Variants in SNW1 observed in about 807,000 individuals in gnomAD.
The protein encoded by SNW1 is SNW domain containing 1.
A neutral mutation model predicts 75.6 loss-of-function variants in SNW1; 9 were observed. The observed-to-expected ratio is 0.12, with a 90% confidence interval of 0.07 to 0.21. The LOEUF (loss-of-function observed/expected upper bound fraction) is 0.21. Among genes scored for constraint, SNW1 ranks in the 10% least tolerant of loss-of-function variants. The pLI is 1.00. For synonymous variants in SNW1, 200 were observed against 219.1 expected, an observed-to-expected ratio of 0.91 and a Z score of 0.77; for missense variants, 409 against 670.9, an observed-to-expected ratio of 0.61 and a Z score of 4.31.
At chr14:77,723,412 T>G in intron 10 of SNW1, 135 bp from the exon 11 acceptor site, 1 of 662,706 alleles carries the variant, frequency 1.5e-6, no homozygotes, top group South Asian at 1.8e-5. Context: ...TGTAGTAGCA[T>G]GAACATGGTT....
chr14:77,722,521 A>G (rs1487402056), intron 11 of SNW1: 1 of 454,442 alleles, frequency 2.2e-6, no homozygotes, highest in Non-Finnish European at 4.4e-6. Context: ...CACATAATCC[A>G]TTTATCTCAC....
chr14:77,720,538 T>G (rs748769110), intron 12 of SNW1, 173 bp downstream of exon 12: 4 of 749,918 alleles, frequency 5.3e-6, no homozygotes, highest in Non-Finnish European at 7.4e-6. Context: ...CAGCCCACTA[T>G]AAGAAGTTAA....
Position 77,723,281 on chromosome 14 carries a change from T to C in SNW1, c.1034-4A>G, listed in dbSNP as rs763569143. On this transcript the variant is annotated splice_polypyrimidine_tract_variant and splice_region_variant and intron_variant, in intron 10 of 13. Coordinates refer to ENST00000261531, the MANE Select transcript of SNW1 (RefSeq NM_012245.3). ...CTCTCACGTGCCTCCCCATCCTCTG[T>C]GTGAACAGTTGAAAAGTACTTCACT... is the stretch of plus-strand genomic sequence containing the variant. The C allele has an allele frequency of 6.2e-6, 10 of 1,607,644 alleles. No individual in the cohort carries two copies. Among genetic ancestry groups the C allele is most frequent in the Non-Finnish European group, 8.5e-6 (10 of 1,174,374 alleles).
intron 10 of SNW1, 75 bp from the exon 11 acceptor site, chr14:77,723,352 T>A (rs1341042014): frequency 1.4e-5 from 16 of 1,132,148 alleles, no homozygotes; most frequent in Non-Finnish European, 2.1e-5. Flanking sequence ...TGTGTATATA[T>A]ATAATTTTTT....
intron 2 of SNW1, among the ~76,000 whole-genome samples, chr14:77,752,128 T>A (rs1045428533): frequency 3.3e-5 from 5 of 152,186 alleles, no homozygotes; most frequent in African/African-American, 1.2e-4. Context: ...TATTTTAGCA[T>A]ATAAATACAT....
chr14:77,723,603 G>T (rs1426753640), intron 10 of SNW1, among the ~76,000 whole-genome samples: 1 of 152,072 alleles, frequency 6.6e-6, no homozygotes, highest in Non-Finnish European at 1.5e-5. Flanking sequence ...TCCCACCTAG[G>T]CCTCCCAAAG....
Position 77,722,834 on chromosome 14 carries a change from A to G in SNW1, c.1130+347T>C, listed in dbSNP as rs764724444. The G allele has an allele frequency of 9.6e-5, 39 of 404,464 alleles. 1 individual carries two copies. In the Middle Eastern group the frequency reaches 2.6e-3, roughly 27 times the overall value. The allele number at this position is 404,464 out of a possible 1,614,324, so 25.1% of individuals were successfully genotyped here. On this transcript the variant is annotated intron_variant, in intron 11 of 13. Coordinates refer to ENST00000261531, the MANE Select transcript of SNW1 (RefSeq NM_012245.3). ...AAAGGCCACTCTTCATGATTGGTAC[A>G]TATCTTTTTTTTTTTTTTTTTTTTT...
chr14:77,749,855 A>C (rs2080793868), intron 3 of SNW1, among the ~76,000 whole-genome samples: 1 of 152,192 alleles, frequency 6.6e-6, no homozygotes, highest in Admixed American at 6.5e-5. Context: ...ACTAGTAGGT[A>C]AGGTTCATAG....
At position 77,761,104 on chromosome 14, in the gene SNW1, A is replaced by C. The variant is rs2080888000; in HGVS notation, c.14+10T>G. ...CCCTTCCGTATCGAGGACCCCAATCAACAACCCACCTGGTGAGCGCCATCT... is the reference window on the plus strand; with the variant it reads ...CCCTTCCGTATCGAGGACCCCAATCCACAACCCACCTGGTGAGCGCCATCT... On this transcript the variant is annotated intron_variant, in intron 1 of 13. Coordinates refer to ENST00000261531, the MANE Select transcript of SNW1 (RefSeq NM_012245.3). The C allele has an allele frequency of 6.2e-7, 1 of 1,614,106 alleles. No individual in the cohort carries two copies. Among genetic ancestry groups the C allele is most frequent in the African/African-American group, 1.3e-5 (1 of 74,936 alleles).
At chr14:77,757,942 C>CTATCTATCTATG (rs1014412814) in intron 1 of SNW1, among the ~76,000 whole-genome samples, 2 of 138,276 alleles carry the variant, frequency 1.4e-5, no homozygotes, top group African/African-American at 5.5e-5. Context: ...ATCTATCTAT[C>CTATCTATCTATG]TATCTATCTA....
At chr14:77,757,954 C>CTA (rs1555389084) in intron 1 of SNW1, among the ~76,000 whole-genome samples, 94 of 104,506 alleles carry the variant, frequency 9.0e-4, no homozygotes, top group Middle Eastern at 5.1e-3. Flanking sequence ...ATCTATCTAT[C>CTA]GCAATCAATC....
intron 1 of SNW1, chr14:77,760,592 G>A (rs969595764): frequency 7.2e-6 from 5 of 692,614 alleles, no homozygotes; most frequent in African/African-American, 3.5e-5. Flanking sequence ...CATATCAGCA[G>A]ACGGCGGTCA....
At chr14:77,727,138 C>T (rs1371531536) in intron 10 of SNW1, among the ~76,000 whole-genome samples, 1 of 152,096 alleles carries the variant, frequency 6.6e-6, no homozygotes, top group Non-Finnish European at 1.5e-5. Context: ...GCTGTAACCT[C>T]TGCCTCCTGG....
At chr14:77,755,533 C>T (rs531075535) in intron 1 of SNW1, among the ~76,000 whole-genome samples, 1 of 152,258 alleles carries the variant, frequency 6.6e-6, no homozygotes, top group African/African-American at 2.4e-5. Flanking sequence ...ATTTTCCTCC[C>T]TCAGCCTCCC....
At chr14:77,737,145 C>G (rs1026944358) in intron 5 of SNW1, 70 bp from the exon 6 acceptor site, 15 of 1,073,830 alleles carry the variant, frequency 1.4e-5, no homozygotes, top group Non-Finnish European at 2.1e-5. Flanking sequence ...CCTTCTATTA[C>G]AATCTTAAGC....
chr14:77,754,994 C>T lies in SNW1; in HGVS notation c.141G>A (p.Arg47=). Residue 47 remains arginine, a synonymous_variant, in exon 2 of 14, where the codon CGG becomes CGA. Transcript: ENST00000261531. ...CTAATAACCGAGGTATCCAGCCTTT[C>T]CGGTATCCGTACGGGGGAGGTTCTC... ...SRREPPPYGY[R]KGWIPRLLED... The T allele has an allele frequency of 6.2e-7, 1 of 1,606,322 alleles. No individual in the cohort carries two copies. The highest frequency in any genetic ancestry group is 8.5e-7 in the Non-Finnish European group (1 of 1,176,180).
At chr14:77,727,319 C>G (rs1361596787) in intron 10 of SNW1, among the ~76,000 whole-genome samples, 1 of 152,154 alleles carries the variant, frequency 6.6e-6, no homozygotes, top group South Asian at 2.1e-4. Context: ...TCCCAAAGTG[C>G]TGGGATTACA....
intron 10 of SNW1, 139 bp from the exon 11 acceptor site, chr14:77,723,416 C>T: frequency 1.5e-6 from 1 of 653,590 alleles, no homozygotes; most frequent in Non-Finnish European, 2.7e-6. Flanking sequence ...GTAGCATGAA[C>T]ATGGTTCACT....
intron 8 of SNW1, 28 bp downstream of exon 8, chr14:77,734,919 A>C: frequency 6.7e-7 from 1 of 1,502,196 alleles, no homozygotes; most frequent in Non-Finnish European, 9.3e-7. Flanking sequence ...GGTTATACTA[A>C]TAGAGACTGA....
Sources: gnomAD v4.1 joint callset for allele counts (sites outside exome capture counted in the v4.1 genomes callset) on GRCh38, gnomAD v4.1.1 for gene constraint, MANE v1.5 for transcripts, NCBI Gene and HGNC (gene_info 2026-07-23, HGNC 2026-07-21) for gene names.